CREB5: variants seen among roughly 807,000 people sequenced by gnomAD.
The protein encoded by CREB5 is cAMP responsive element binding protein 5, also known as cyclic AMP-responsive element-binding protein 5.
A neutral mutation model predicts 57.1 loss-of-function variants in CREB5; 19 were observed. The observed-to-expected ratio is 0.33, with a 90% CI of 0.23 to 0.49. The LOEUF is 0.49. Among genes scored for constraint, CREB5 ranks in the 20% least tolerant of loss-of-function variants. The pLI is 0.99. For synonymous variants in CREB5, 238 were observed against 238.3 expected (o/e 1.00, Z 0.01); for missense variants, 579 against 671.6 (o/e 0.86, Z 1.52).
rs138503369 is a variant in CREB5, at chr7:28,565,260, C to T, written c.292-5105C>T. ...TCTGAGGCAGGAATCCTTTTGGTGA[C>T]GTAGCTGACAAATGGCCACTCATCC... On this transcript the variant is annotated intron_variant, in intron 4 of 10. Coordinates refer to ENST00000357727, the MANE Select transcript of CREB5 (RefSeq NM_182898.4). 1.1e-3 allele frequency among the ~76,000 whole-genome samples: 162 copies of T among 152,322 alleles called. 2 individuals carry two copies. Among genetic ancestry groups the T allele is most frequent in the Middle Eastern group, 6.8e-3 (2 of 294 alleles).
intron 7 of CREB5, among the ~76,000 whole-genome samples, chr7:28,744,141 G>T: frequency 7.0e-6 from 1 of 143,728 alleles, no homozygotes; most frequent in African/African-American, 2.6e-5. Context: ...GAGAATGATG[G>T]TTTCCAATTT....
chr7:28,462,142 C>T (rs1790375463), intron 1 of CREB5, among the ~76,000 whole-genome samples: 1 of 152,164 alleles, frequency 6.6e-6, no homozygotes, highest in Admixed American at 6.5e-5. Context: ...CTATTCTGGT[C>T]ATTTTATATA....
In CREB5 at chr7:28,607,783, G is replaced by GTGT. The variant is rs1554274274; in HGVS notation, c.464+37247_464+37249dup. Among the ~76,000 whole-genome samples, 5 of 91,982 alleles carry GTGT rather than the reference G, an allele frequency of 5.4e-5. 1 individual carries two copies. In the South Asian group the frequency reaches 1.6e-3, roughly 29 times the overall value. The allele number at this position is 91,982 out of a possible 152,430, so 60.3% of individuals were successfully genotyped here. A position where few individuals can be genotyped will look rare whatever the true frequency, so the allele number is the denominator to read the frequency against. ...TGTGTGTGTGTGTGTGTGTGTGTGT[G>GTGT]TGTGTGTGTGTTTTACCATGTGCAT... is the stretch of plus-strand genomic sequence containing the variant. On this transcript the variant is annotated intron_variant, in intron 5 of 10. Transcript: ENST00000357727.
In CREB5 at chr7:28,589,446, C is replaced by T. The variant is rs1017083888; in HGVS notation, c.464+18909C>T. Among the ~76,000 whole-genome samples, 109 of 151,994 alleles carry T rather than the reference C, an allele frequency of 7.2e-4. 8 individuals carry two copies. Among genetic ancestry groups the T allele is most frequent in the Non-Finnish European group, 8.8e-5 (6 of 68,010 alleles). ...GCAGGTGCCTGTAGTCCCAGCTACT[C>T]GGGAGGCTGAGGCAGGAGAATGGTG... On this transcript the variant is annotated intron_variant, in intron 5 of 10. Transcript: ENST00000357727.
chr7:28,417,393 G>A (rs1237766669), intron 1 of CREB5, among the ~76,000 whole-genome samples: 1 of 145,902 alleles, frequency 6.9e-6, no homozygotes, highest in African/African-American at 2.6e-5. Context: ...AATCCAGTGT[G>A]TATTTCACAA....
chr7:28,524,395 A>G (rs567845880), intron 4 of CREB5, among the ~76,000 whole-genome samples: 33 of 151,224 alleles, frequency 2.2e-4, no homozygotes, highest in African/African-American at 7.5e-4. Context: ...ATCCCACCTA[A>G]TCAGGAGGCT....
chr7:28,641,131 T>C (rs1197547000), intron 5 of CREB5, among the ~76,000 whole-genome samples: 2 of 152,098 alleles, frequency 1.3e-5, no homozygotes, highest in Admixed American at 6.6e-5. Flanking sequence ...CTAGTGGAAA[T>C]GCAGTGTTCC....
chr7:28,804,225 C>T lies in CREB5; in HGVS notation c.729C>T (p.His243=). ...GGTTGAAGGCTGCATTGACTCACCACCCTGCTGCCATGTCAAATGGGAACA... is the reference window on the plus strand; with the variant it reads ...GGTTGAAGGCTGCATTGACTCACCATCCTGCTGCCATGTCAAATGGGAACA... ...KMRLKAALTH[H]PAAMSNGNMN... The change falls in exon 8 of 11, where the codon CAC becomes CAT. Residue 243 remains histidine (H), a synonymous_variant. Coordinates refer to ENST00000357727, the MANE Select transcript of CREB5 (RefSeq NM_182898.4). The T allele has an allele frequency of 1.9e-6, 3 of 1,613,938 alleles. No individual in the cohort carries two copies. The highest frequency in any genetic ancestry group is 1.1e-5 in the South Asian group (1 of 91,078).
intron 1 of CREB5, among the ~76,000 whole-genome samples, chr7:28,421,030 T>C (rs1426981767): frequency 2.6e-5 from 4 of 152,060 alleles, no homozygotes; most frequent in African/African-American, 9.7e-5. Flanking sequence ...GTACAAGTGG[T>C]TTTGGTTACA....
In CREB5 at chr7:28,705,449, C is replaced by T. The variant is rs539371260; in HGVS notation, c.465-13304C>T. On this transcript the variant is annotated intron_variant, in intron 5 of 10. Transcript: ENST00000357727. ...AAGGGATTTTTGGGGGAACACTTAC[C>T]GCCAGTGAGCAAGCATAATGTTTTG... Among the ~76,000 whole-genome samples, 188 of 151,944 alleles carry T rather than the reference C, an allele frequency of 1.2e-3. 1 individual carries two copies. The highest frequency in any genetic ancestry group is 3.7e-3 in the African/African-American group (154 of 41,434).
At position 28,790,675 on chromosome 7, in the gene CREB5, C is replaced by T. The variant is rs554996933; in HGVS notation, c.703-13524C>T. Among the ~76,000 whole-genome samples, 8 of 152,324 alleles carry T rather than the reference C, an allele frequency of 5.3e-5. No homozygotes were observed. In the East Asian group the frequency reaches 1.5e-3, roughly 29 times the overall value. On this transcript the variant is annotated intron_variant, in intron 7 of 10. Transcript: ENST00000357727. ...CTTATCGTGGACATGCTGAAGGAAA[C>T]GTTTCAATCGAAACCCAGAGTAGCA...
At chr7:28,680,500 G>A (rs1040448436) in intron 5 of CREB5, among the ~76,000 whole-genome samples, 2 of 152,132 alleles carry the variant, frequency 1.3e-5, no homozygotes, top group East Asian at 1.9e-4. Context: ...GCTCACACCT[G>A]TAATCCCAGC....
At chr7:28,406,217 G>A (rs1787576548) in intron 1 of CREB5, among the ~76,000 whole-genome samples, 1 of 152,174 alleles carries the variant, frequency 6.6e-6, no homozygotes, top group South Asian at 2.1e-4. Flanking sequence ...GCACTAGTAA[G>A]GCTGTAAATG....
chr7:28,543,578 TAA>T lies in CREB5; in HGVS notation c.292-26765_292-26764del, dbSNP rs34533813. On this transcript the variant is annotated intron_variant, in intron 4 of 10. Coordinates refer to ENST00000357727, the MANE Select transcript of CREB5 (RefSeq NM_182898.4). ...TCTGTCTTTCAAATATCATTTTAGGTAAAAAAAAAAAAAAAAAAAAAAAGTGT... is the reference window on the plus strand; with the variant it reads ...TCTGTCTTTCAAATATCATTTTAGGTAAAAAAAAAAAAAAAAAAAAAGTGT... Among the ~76,000 whole-genome samples, 205 of 92,298 alleles carry T rather than the reference TAA, an allele frequency of 2.2e-3. 2 individuals are homozygous for T. The East Asian group carries it at 0.043, about 19-fold the overall frequency. 60.6% of individuals were successfully genotyped at this position (92,298 alleles called of 152,430 possible).
intron 1 of CREB5, among the ~76,000 whole-genome samples, chr7:28,368,707 CT>C (rs1463372866): frequency 6.6e-6 from 1 of 152,216 alleles, no homozygotes; most frequent in African/African-American, 2.4e-5. Context: ...TGACCACATG[CT>C]AGCTCATTAC....
At chr7:28,591,007 C>T (rs1796492494) in intron 5 of CREB5, among the ~76,000 whole-genome samples, 1 of 152,088 alleles carries the variant, frequency 6.6e-6, no homozygotes, top group African/African-American at 2.4e-5. Flanking sequence ...TAATTTTTTG[C>T]AAGATCAATG....
chr7:28,322,587 C>G (rs368283069), intron 1 of CREB5, among the ~76,000 whole-genome samples: 1 of 151,108 alleles, frequency 6.6e-6, no homozygotes, highest in African/African-American at 2.4e-5. Flanking sequence ...CTAATGCCCT[C>G]CCTCCCCCAG....
At position 28,503,460 on chromosome 7, in the gene CREB5, C is replaced by CTTAGAAAT. The variant is rs1405018147; in HGVS notation, c.170-4156_170-4155insTTAGAAAT. On this transcript the variant is annotated intron_variant, in intron 3 of 10. Transcript: ENST00000357727. ...AAGATAACAGAAATATTAGACTACC[C>CTTAGAAAT]ATCATCAGTGGGAATTGAGTTTGCC... is the stretch of plus-strand genomic sequence containing the variant. Among the ~76,000 whole-genome samples, 5 of 152,244 alleles carry CTTAGAAAT rather than the reference C, an allele frequency of 3.3e-5. No homozygotes were observed. In the East Asian group the frequency reaches 9.7e-4, roughly 29 times the overall value.
At chr7:28,616,932 G>A (rs1028503401) in intron 5 of CREB5, among the ~76,000 whole-genome samples, 1 of 152,136 alleles carries the variant, frequency 6.6e-6, no homozygotes, top group Non-Finnish European at 1.5e-5. Context: ...TACTATCTAA[G>A]TCCCTATAAA....
Sources: allele counts gnomAD v4.1 joint callset (sites outside exome capture counted in the v4.1 genomes callset), GRCh38; gene constraint gnomAD v4.1.1; transcripts MANE v1.5; gene names NCBI Gene and HGNC (gene_info 2026-07-23, HGNC 2026-07-21).